Variants in PDE9A observed in about 807,000 individuals in gnomAD.
The protein encoded by PDE9A is high affinity cGMP-specific 3',5'-cyclic phosphodiesterase 9A.
A neutral mutation model predicts 87.4 loss-of-function variants in PDE9A; 60 were observed. That is an observed-to-expected ratio of 0.69 (90% CI 0.56 to 0.85). The LOEUF is 0.85. PDE9A is among the 40% of genes least tolerant of loss of function. The pLI, the probability that PDE9A is intolerant of heterozygous loss-of-function variation, is 0.00. For synonymous variants in PDE9A, 272 were observed against 279.4 expected (o/e 0.97, Z 0.27); for missense variants, 665 against 779.0 (o/e 0.85, Z 1.74).
intron 4 of PDE9A, among the ~76,000 whole-genome samples, chr21:42,711,587 AT>A (rs1308726716): frequency 6.6e-6 from 1 of 151,752 alleles, no homozygotes; most frequent in Admixed American, 6.6e-5. Flanking sequence ...GGCCCTAATA[AT>A]TTTTTTTATC....
rs1017989489 is a variant in PDE9A, at chr21:42,717,190, A to G, written c.263-14580A>G. 1.3e-4 allele frequency among the ~76,000 whole-genome samples: 19 copies of G among 150,222 alleles called. 1 individual carries two copies. The highest frequency in any genetic ancestry group is 4.7e-4 in the African/African-American group (19 of 40,848). ...TATTTCTTCTCAACTTCCAACTTAT[A>G]TTATATCCCTTCACTCTAAAGCATT... is the stretch of plus-strand genomic sequence containing the variant. On this transcript the variant is annotated intron_variant, in intron 4 of 19. Coordinates refer to ENST00000291539, the MANE Select transcript of PDE9A (RefSeq NM_002606.3).
In PDE9A at chr21:42,695,376, C is replaced by T. The variant is rs55653501; in HGVS notation, c.219-3592C>T. 2.8e-3 allele frequency among the ~76,000 whole-genome samples: 424 copies of T among 152,298 alleles called. 2 individuals carry two copies. Among genetic ancestry groups the T allele is most frequent in the African/African-American group, 9.5e-3 (395 of 41,554 alleles). On this transcript the variant is annotated intron_variant, in intron 3 of 19. Coordinates refer to ENST00000291539, the MANE Select transcript of PDE9A (RefSeq NM_002606.3). The surrounding 1 kb of genome is among the most constrained non-coding windows in gnomAD (Gnocchi z 4.3). ...AACATGGGCGTTGCTTCCTGACAAC[C>T]CTACCCCTTCCATTCCCCAGTCACT...
intron 7 of PDE9A, among the ~76,000 whole-genome samples, chr21:42,736,067 G>T (rs1299245936): frequency 6.6e-6 from 1 of 152,050 alleles, no homozygotes; most frequent in Non-Finnish European, 1.5e-5. Context: ...CGGGCAGCAG[G>T]TGCCTCCCAC....
chr21:42,653,748 C>A lies in PDE9A; in HGVS notation c.-67C>A. 2.2e-6 allele frequency: 2 copies of A among 902,026 alleles called. No homozygotes were observed. The highest frequency in any genetic ancestry group is 1.6e-5 in the South Asian group (1 of 64,390). 55.9% of individuals were successfully genotyped at this position (902,026 alleles called of 1,614,324 possible). A position where few individuals can be genotyped will look rare whatever the true frequency, so the allele number is the denominator to read the frequency against. On this transcript the variant is annotated 5_prime_UTR_variant, in exon 1 of 20. Transcript: ENST00000291539. ...CGCCCCCTCCCCTGCTCCCCTCCCC[C>A]GCCTCCCGCGGCGGCTGGCGTCGGG...
intron 19 of PDE9A, among the ~76,000 whole-genome samples, chr21:42,774,944 T>A (rs1368656219): frequency 2.0e-5 from 3 of 151,774 alleles, no homozygotes; most frequent in African/African-American, 7.3e-5. Flanking sequence ...GGCACTTTTT[T>A]TTTTCCTTCT....
chr21:42,700,710 C>T (rs1247501143), intron 4 of PDE9A: 2 of 152,232 alleles, frequency 1.3e-5, no homozygotes, highest in African/African-American at 4.8e-5. Context: ...ATTTCTCCAG[C>T]ACCATTTGTT....
At position 42,722,053 on chromosome 21, in the gene PDE9A, G is replaced by T. The variant is rs111598341; in HGVS notation, c.263-9717G>T. 4.4e-4 allele frequency among the ~76,000 whole-genome samples: 66 copies of T among 151,352 alleles called. No homozygotes were observed. Among genetic ancestry groups the T allele is most frequent in the Non-Finnish European group, 1.3e-4 (9 of 67,908 alleles). On this transcript the variant is annotated intron_variant, in intron 4 of 19. Transcript: ENST00000291539. The surrounding 1 kb of genome is among the most constrained non-coding windows in gnomAD (Gnocchi z 4.1). ...TGCAGTGGCACAATCTCAGCTCACT[G>T]CAACCTCCGACTCCCTGGTTCAAGT...
rs938103139 is a variant in PDE9A, at chr21:42,705,102, C to T, written c.262+6091C>T. Among the ~76,000 whole-genome samples, 3 of 152,104 alleles carry T rather than the reference C, an allele frequency of 2.0e-5. No homozygotes were observed. The highest frequency in any genetic ancestry group is 2.1e-4 in the South Asian group (1 of 4,814). On this transcript the variant is annotated intron_variant, in intron 4 of 19. Transcript: ENST00000291539. This position sits in a 1 kb window ranked among gnomAD's most constrained non-coding sequence, Gnocchi z 4.3. The stretch of plus-strand genomic sequence containing the variant: ...AGCATGGCACAGCCTCGTTCTCCAG[C>T]GTAGAGTAGAAGGAATGGCCCCGTC...
At position 42,660,022 on chromosome 21, in the gene PDE9A, A is replaced by G. The variant is rs2057368355; in HGVS notation, c.69+6139A>G. 1.3e-5 allele frequency among the ~76,000 whole-genome samples: 2 copies of G among 152,290 alleles called. No homozygotes were observed. Among genetic ancestry groups the G allele is most frequent in the Middle Eastern group, 3.4e-3 (1 of 294 alleles). Reference sequence around the variant, plus strand: ...TAAGCCGGGCAGGGAGGCGGCAGGAACTGGGCCCCAGGGGGCCAAGACTTC... The same window carrying G: ...TAAGCCGGGCAGGGAGGCGGCAGGAGCTGGGCCCCAGGGGGCCAAGACTTC... On this transcript the variant is annotated intron_variant, in intron 1 of 19. Transcript: ENST00000291539. This position sits in a 1 kb window ranked among gnomAD's most constrained non-coding sequence, Gnocchi z 4.7.
chr21:42,712,983 T>TA (rs1453526400), intron 4 of PDE9A, among the ~76,000 whole-genome samples: 1 of 152,166 alleles, frequency 6.6e-6, no homozygotes, highest in Non-Finnish European at 1.5e-5. Context: ...TAAATGCACT[T>TA]ATATTTCCAG....
At chr21:42,770,868 C>T (rs1419455240) in intron 18 of PDE9A, 70 bp downstream of exon 18, 3 of 1,229,150 alleles carry the variant, frequency 2.4e-6, no homozygotes, top group African/African-American at 3.0e-5. Flanking sequence ...ACTCCCGACT[C>T]CAGAAGCTTG....
At chr21:42,709,845 T>C (rs1228837748) in intron 4 of PDE9A, among the ~76,000 whole-genome samples, 1 of 152,186 alleles carries the variant, frequency 6.6e-6, no homozygotes, top group Non-Finnish European at 1.5e-5. Flanking sequence ...GTCGAACTCC[T>C]GGGCTAAAGC....
chr21:42,724,282 C>T (rs1249843543), intron 4 of PDE9A, among the ~76,000 whole-genome samples: 5 of 152,140 alleles, frequency 3.3e-5, no homozygotes, highest in Non-Finnish European at 7.4e-5. Context: ...ATCCGTGATG[C>T]GGAAACACTA....
intron 14 of PDE9A, among the ~76,000 whole-genome samples, chr21:42,762,577 G>C (rs1425369127): frequency 6.6e-6 from 1 of 152,210 alleles, no homozygotes; most frequent in Non-Finnish European, 1.5e-5. Flanking sequence ...CCCAAGGAGG[G>C]GACAGGCCCT....
intron 4 of PDE9A, among the ~76,000 whole-genome samples, chr21:42,707,914 G>C (rs977994818): frequency 1.3e-5 from 2 of 152,070 alleles, no homozygotes; most frequent in South Asian, 4.1e-4. Flanking sequence ...ATGACTTAGG[G>C]GGCATTTTTG....
chr21:42,690,464 C>T (rs1023545033), intron 3 of PDE9A, among the ~76,000 whole-genome samples: 1 of 152,058 alleles, frequency 6.6e-6, no homozygotes, highest in South Asian at 2.1e-4. Context: ...TATCTATGAT[C>T]GTGGGTGTGG....
intron 6 of PDE9A, among the ~76,000 whole-genome samples, chr21:42,732,527 G>A (rs2839578): frequency 1.3e-5 from 2 of 152,044 alleles, no homozygotes; most frequent in South Asian, 2.1e-4. Context: ...CCTGGATACC[G>A]TATTTTCCAT....
rs1284892579 is a variant in PDE9A, at chr21:42,704,455, C to CACACACAG, written c.262+5451_262+5452insGACACACA. On this transcript the variant is annotated intron_variant, in intron 4 of 19. Coordinates refer to ENST00000291539, the MANE Select transcript of PDE9A (RefSeq NM_002606.3). The surrounding 1 kb of genome is among the most constrained non-coding windows in gnomAD (Gnocchi z 5.3). ...CCAAACACACACACACACACACACA[C>CACACACAG]ACACACACACACACAGCTTTCCTGA... is the stretch of plus-strand genomic sequence containing the variant. Among the ~76,000 whole-genome samples the CACACACAG allele has an allele frequency of 6.6e-6, 1 of 151,646 alleles. No individual in the cohort carries two copies. Among genetic ancestry groups the CACACACAG allele is most frequent in the Non-Finnish European group, 1.5e-5 (1 of 67,914 alleles).
chr21:42,752,789 A>T (rs752742105), intron 9 of PDE9A, among the ~76,000 whole-genome samples: 4 of 152,240 alleles, frequency 2.6e-5, no homozygotes, highest in Non-Finnish European at 5.9e-5. Context: ...TGTCTTCTGT[A>T]TAGAACCACA....
Sources: allele counts gnomAD v4.1 joint callset (sites outside exome capture counted in the v4.1 genomes callset), GRCh38; gene constraint gnomAD v4.1.1; non-coding constraint Gnocchi (gnomAD v3.1); transcripts MANE v1.5; gene names NCBI Gene and HGNC (gene_info 2026-07-23, HGNC 2026-07-21).